ARL13B: variants seen among roughly 807,000 people sequenced by gnomAD.
ARL13B encodes the protein ARF like GTPase 13B.
In ARL13B, 36 loss-of-function variants were observed where a neutral mutation model predicts 56.1. The observed-to-expected ratio is 0.64, with a 90% CI of 0.49 to 0.85. The LOEUF (loss-of-function observed/expected upper bound fraction) is 0.85, where lower values mean the gene tolerates loss of function less well. Among genes scored for constraint, ARL13B ranks in the 40% least tolerant of loss-of-function variants. The pLI is 0.00. For missense variants in ARL13B, 519 were observed against 507.1 expected, an observed-to-expected ratio of 1.02 and a Z score of -0.23; for synonymous variants, 178 against 171.1, an observed-to-expected ratio of 1.04 and a Z score of -0.32.
chr3:94,041,251 C>T (rs890986777), intron 6 of ARL13B, among the ~76,000 whole-genome samples: 9 of 150,600 alleles, frequency 6.0e-5, no homozygotes, highest in African/African-American at 9.8e-5. Context: ...ATCAATGGAA[C>T]GAATATTAAT....
chr3:93,992,189 T>A (rs530000427), intron 1 of ARL13B, among the ~76,000 whole-genome samples: 10 of 152,312 alleles, frequency 6.6e-5, no homozygotes, highest in South Asian at 2.1e-4. Context: ...TTTGTTTTTT[T>A]AAAAAACTGA....
At chr3:93,995,676 T>C (rs2075954035) in intron 1 of ARL13B, among the ~76,000 whole-genome samples, 198 bp from the exon 2 acceptor site, 1 of 152,210 alleles carries the variant, frequency 6.6e-6, no homozygotes, top group Non-Finnish European at 1.5e-5. Context: ...AACAAAAGGA[T>C]GATCCTTTAA....
intron 7 of ARL13B, among the ~76,000 whole-genome samples, chr3:94,043,750 C>T (rs1332253049): frequency 9.0e-5 from 12 of 132,896 alleles, no homozygotes; most frequent in African/African-American, 3.5e-4. Flanking sequence ...CTCCCTGCCT[C>T]GGGCTCCTGT....
chr3:94,025,550 ACT>A (rs2076539112), intron 3 of ARL13B, among the ~76,000 whole-genome samples: 2 of 152,054 alleles, frequency 1.3e-5, no homozygotes, highest in Admixed American at 1.3e-4. Flanking sequence ...ACTGGTGACC[ACT>A]CTGTTAAATG....
chr3:94,035,574 C>T (rs887371899), intron 4 of ARL13B, 138 bp downstream of exon 4: 83 of 616,180 alleles, frequency 1.3e-4, no homozygotes, highest in Non-Finnish European at 1.4e-5. Context: ...AAATCACATT[C>T]CCATTTTTCT....
chr3:93,998,362 T>A (rs549198712), intron 2 of ARL13B, among the ~76,000 whole-genome samples: 1 of 152,316 alleles, frequency 6.6e-6, no homozygotes, highest in African/African-American at 2.4e-5. Flanking sequence ...CTCCATATAT[T>A]CATAAGTTCC....
chr3:94,014,932 A>G, intron 3 of ARL13B: 1 of 1,613,596 alleles, frequency 6.2e-7, no homozygotes, highest in Non-Finnish European at 8.5e-7. Context: ...AACTTCTTTA[A>G]CTAAATCATT....
At chr3:94,002,949 A>T (rs891469532) in intron 2 of ARL13B, among the ~76,000 whole-genome samples, 1 of 152,036 alleles carries the variant, frequency 6.6e-6, no homozygotes, top group East Asian at 1.9e-4. Flanking sequence ...TATCTCTCCA[A>T]TGAGGTCTTT....
rs1560022321 is a variant in ARL13B, at chr3:94,055,021, C to A, written c.*1758C>A. On this transcript the variant is annotated 3_prime_UTR_variant, in exon 10 of 10. Transcript: ENST00000394222. ...TGTTTTTAAAATTTGTGTTTTCTAT[C>A]TGTTTACTATAGTGTAGCTACTGGC... 2 of 322,560 alleles carry A rather than the reference C, an allele frequency of 6.2e-6. No homozygotes were observed. The allele number at this position is 322,560 out of a possible 1,614,324, so 20.0% of individuals were successfully genotyped here.
intron 8 of ARL13B, among the ~76,000 whole-genome samples, 193 bp from the exon 9 acceptor site, chr3:94,050,631 T>A (rs1576061371): frequency 6.6e-6 from 1 of 152,212 alleles, no homozygotes; most frequent in Admixed American, 6.5e-5. Flanking sequence ...AAAGCAGATG[T>A]TAGCAGCCTA....
At chr3:93,984,886 T>C (rs1710373233) in intron 1 of ARL13B, among the ~76,000 whole-genome samples, 1 of 152,060 alleles carries the variant, frequency 6.6e-6, no homozygotes, top group African/African-American at 2.4e-5. Flanking sequence ...GGCATGTGCC[T>C]GTAGTCCGAG....
chr3:94,012,973 C>T (rs2076251162), intron 3 of ARL13B, among the ~76,000 whole-genome samples: 1 of 152,120 alleles, frequency 6.6e-6, no homozygotes, highest in Non-Finnish European at 1.5e-5. Flanking sequence ...CTTGTGTGAA[C>T]TTCAGACTTC....
chr3:93,996,617 ATTC>A, intron 2 of ARL13B: 1 of 441,304 alleles, frequency 2.3e-6, no homozygotes, highest in Non-Finnish European at 4.6e-6. Context: ...GCCTCAAGCT[ATTC>A]TTCTGCCTTG....
Position 93,980,271 on chromosome 3 carries a change from G to A in ARL13B, c.-153G>A, listed in dbSNP as rs769773439. On this transcript the variant is annotated 5_prime_UTR_variant, in exon 1 of 10. Coordinates refer to ENST00000394222, the MANE Select transcript of ARL13B (RefSeq NM_001174150.2). ...ACCCACGCGGTTAGCAAGGCTTAGT[G>A]CTCGGGCCGGCCGCCTTCACTTCCC... 1.0e-6 allele frequency: 1 copy of A among 975,218 alleles called. No homozygotes were observed. Among genetic ancestry groups the A allele is most frequent in the Non-Finnish European group, 1.6e-6 (1 of 629,724 alleles). The allele number at this position is 975,218 out of a possible 1,614,324, so 60.4% of individuals were successfully genotyped here.
intron 3 of ARL13B, among the ~76,000 whole-genome samples, chr3:94,015,491 A>G (rs973098850): frequency 1.3e-5 from 2 of 152,224 alleles, no homozygotes; most frequent in African/African-American, 4.8e-5. Flanking sequence ...GTTACTTTGC[A>G]TGTGAGTGCT....
At chr3:94,033,177 C>T (rs895549839) in intron 3 of ARL13B, among the ~76,000 whole-genome samples, 14 of 152,108 alleles carry the variant, frequency 9.2e-5, no homozygotes, top group Non-Finnish European at 1.5e-4. Flanking sequence ...TACACATTGA[C>T]ATGGAGTGTG....
rs533788370 is a variant in ARL13B, at chr3:93,980,442, A to G, written c.19A>G (p.Ser7Gly). The G allele has an allele frequency of 1.9e-6, 3 of 1,612,756 alleles. No individual in the cohort carries two copies. Among genetic ancestry groups the G allele is most frequent in the African/African-American group, 2.7e-5 (2 of 75,056 alleles). MFSLMA[S>G]CCGWFKRWRE... ...ACCCGGGATGTTCAGTCTGATGGCC[A>G]GTTGCTGCGGCTGGTTCAAGCGGTG... is the stretch of plus-strand genomic sequence containing the variant. Residue 7 changes from serine to glycine, a missense_variant, in exon 1 of 10, where the codon AGT becomes GGT. Physicochemically the swap from Ser to Gly is moderately conservative, Grantham distance 56. Transcript: ENST00000394222.
intron 3 of ARL13B, among the ~76,000 whole-genome samples, chr3:94,013,276 T>C (rs1438460365): frequency 6.6e-6 from 1 of 152,236 alleles, no homozygotes; most frequent in Non-Finnish European, 1.5e-5. Flanking sequence ...TTCATTGCCC[T>C]TTTAAGTCTC....
chr3:94,003,370 C>T (rs1191135241), intron 2 of ARL13B, among the ~76,000 whole-genome samples: 1 of 152,076 alleles, frequency 6.6e-6, no homozygotes, highest in Admixed American at 6.6e-5. Flanking sequence ...CAGTAAATAG[C>T]CTTAAAGGCA....
Sources: gnomAD v4.1 joint callset for allele counts (sites outside exome capture counted in the v4.1 genomes callset) on GRCh38, gnomAD v4.1.1 for gene constraint, MANE v1.5 for transcripts, NCBI Gene and HGNC (gene_info 2026-07-23, HGNC 2026-07-21) for gene names.